Variants in KCTD2 observed in about 807,000 individuals in gnomAD.
The protein encoded by KCTD2 is BTB/POZ domain-containing protein KCTD2.
In KCTD2, 18 loss-of-function variants were observed where a neutral mutation model predicts 27.9. The observed-to-expected ratio is 0.64, with a 90% CI of 0.45 to 0.96. The LOEUF is 0.96. Among genes scored for constraint, KCTD2 ranks in the 40% least tolerant of loss-of-function variants. The pLI, the probability that KCTD2 is intolerant of heterozygous loss-of-function variation, is 0.00. For missense variants in KCTD2, 280 were observed against 348.0 expected, an observed-to-expected ratio of 0.80 and a Z score of 1.56; for synonymous variants, 175 against 148.4, an observed-to-expected ratio of 1.18 and a Z score of -1.30.
At chr17:75,057,775 G>A (rs1226551917) in intron 3 of KCTD2, among the ~76,000 whole-genome samples, 1 of 151,722 alleles carries the variant, frequency 6.6e-6, no homozygotes, top group African/African-American at 2.4e-5. Flanking sequence ...TGGCCAGGCT[G>A]GTCTTGAACT....
rs35875644 is a variant in KCTD2, at chr17:75,056,952, C to CTTTTTT, written c.541-2544_541-2539dup. On this transcript the variant is annotated intron_variant, in intron 3 of 5. Transcript: ENST00000322444. ...CTCTGTTTCTTTTTTTTTCTTTTTTCTTTTTTTTTTTTTTTTTTTGGAGAC... is the reference window on the plus strand; with the variant it reads ...CTCTGTTTCTTTTTTTTTCTTTTTTCTTTTTTTTTTTTTTTTTTTTTTTTTGGAGAC... Among the ~76,000 whole-genome samples, 304 of 107,982 alleles carry CTTTTTT rather than the reference C, an allele frequency of 2.8e-3. 5 individuals are homozygous for CTTTTTT. Among genetic ancestry groups the CTTTTTT allele is most frequent in the African/African-American group, 8.5e-3 (236 of 27,628 alleles). 70.8% of individuals were successfully genotyped at this position (107,982 alleles called of 152,430 possible).
At position 75,032,976 on chromosome 17, in the gene KCTD2, GA is replaced by G. The variant is rs1399321057; in HGVS notation, c.-470+256del. ...AGACTCTACATTTTGGAGAGAAACA[GA>G]AAAGAATGTCCCCAAGTCTCCTTTG... On this transcript the variant is annotated intron_variant, in intron 1 of 7. Coordinates refer to the KCTD2 transcript ENST00000581589. The surrounding 1 kb of genome is among the most constrained non-coding windows in gnomAD (Gnocchi z 4.8). 6.6e-6 allele frequency: 1 copy of G among 152,240 alleles called. No individual in the cohort carries two copies. Among genetic ancestry groups the G allele is most frequent in the Non-Finnish European group, 1.5e-5 (1 of 68,052 alleles). The allele number at this position is 152,240 out of a possible 1,614,324, so 9.4% of individuals were successfully genotyped here.
Position 75,047,236 on chromosome 17 carries a change from C to T in KCTD2, c.-15C>T, listed in dbSNP as rs1460055646. Reference sequence around the variant, plus strand: ...GGCTGCGCGCGGGCAGCAGCGGTGGCGGCGGCGGTCCAAGATGGCGGAACT... The same window carrying T: ...GGCTGCGCGCGGGCAGCAGCGGTGGTGGCGGCGGTCCAAGATGGCGGAACT... On this transcript the variant is annotated 5_prime_UTR_variant, in exon 1 of 6. Coordinates refer to ENST00000322444, the MANE Select transcript of KCTD2 (RefSeq NM_015353.3). 13 of 689,594 alleles carry T rather than the reference C, an allele frequency of 1.9e-5. No homozygotes were observed. In the Admixed American group the frequency reaches 2.9e-4, roughly 16 times the overall value. The allele number at this position is 689,594 out of a possible 1,614,324, so 42.7% of individuals were successfully genotyped here.
At chr17:75,040,530 T>C (rs1257269899) in intron 3 of KCTD2, 2 of 265,700 alleles carry the variant, frequency 7.5e-6, no homozygotes, top group Non-Finnish European at 1.5e-5. Context: ...CTCTTCTGCA[T>C]GGAACCCTAG....
intron 1 of KCTD2, among the ~76,000 whole-genome samples, chr17:75,048,509 T>C (rs2073251743): frequency 1.3e-5 from 2 of 152,236 alleles, no homozygotes; most frequent in Admixed American, 1.3e-4. Context: ...GATGGAAACC[T>C]ATCCTGCCCT....
intron 3 of KCTD2, chr17:75,041,931 CA>C: frequency 2.7e-6 from 1 of 371,564 alleles, no homozygotes; most frequent in Non-Finnish European, 4.8e-6. Flanking sequence ...CAGAGCAGGT[CA>C]AAACTCCTGT....
upstream of KCTD2, chr17:75,042,686 G>T (rs200078977): frequency 6.3e-7 from 1 of 1,584,068 alleles, no homozygotes; most frequent in African/African-American, 1.4e-5. Flanking sequence ...ATAAAAACAA[G>T]GCTTTTTTAT....
rs746635593 is a variant in KCTD2 at position 75,049,376 on chromosome 17, T to G, written c.448+48T>G. On this transcript the variant is annotated intron_variant, in intron 2 of 5. Coordinates refer to ENST00000322444, the MANE Select transcript of KCTD2 (RefSeq NM_015353.3). ...GGATTTTCAAAATGCAAGTAGAATC[T>G]TTAAAGTTGTTTTACAGATTTCAAT... 114 of 1,161,242 alleles carry G rather than the reference T, an allele frequency of 9.8e-5. 1 individual carries two copies. Among genetic ancestry groups the G allele is most frequent in the South Asian group, 6.8e-4 (54 of 78,844 alleles). 71.9% of individuals were successfully genotyped at this position (1,161,242 alleles called of 1,614,324 possible).
chr17:75,053,911 G>A (rs771160351), intron 3 of KCTD2, among the ~76,000 whole-genome samples: 4 of 126,036 alleles, frequency 3.2e-5, no homozygotes, highest in Non-Finnish European at 6.2e-5. Context: ...CTCTCCCCCA[G>A]GCTGGCCTCC....
At chr17:75,046,045 C>T (rs573736225), upstream of KCTD2, among the ~76,000 whole-genome samples, 2 of 152,350 alleles carry the variant, frequency 1.3e-5, no homozygotes, top group South Asian at 4.1e-4. Flanking sequence ...TCCCTGATTT[C>T]CCGCAACATC....
intron 2 of KCTD2, among the ~76,000 whole-genome samples, chr17:75,051,524 TC>T (rs1336593759): frequency 1.3e-5 from 2 of 151,510 alleles, no homozygotes; most frequent in Non-Finnish European, 2.9e-5. Flanking sequence ...GACCTCGTGA[TC>T]CACCCGCCTT....
intron 3 of KCTD2, among the ~76,000 whole-genome samples, chr17:75,053,858 C>CTTTTTTTTTTTTTTTTTTTTTT (rs71159419): frequency 5.1e-5 from 3 of 59,322 alleles, no homozygotes; most frequent in Non-Finnish European, 8.4e-5. Flanking sequence ...GTGAACCATG[C>CTTTTTTTTTTTTTTTTTTTTTT]TTTTTTTTTT....
chr17:75,040,182 G>C (rs373588497), intron 3 of KCTD2: 8 of 1,611,274 alleles, frequency 5.0e-6, no homozygotes, highest in Non-Finnish European at 6.8e-6. Flanking sequence ...ACAAGGGCAC[G>C]GGAACCTTCA....
chr17:75,052,021 C>T (rs1010655242), intron 2 of KCTD2, among the ~76,000 whole-genome samples: 2 of 152,140 alleles, frequency 1.3e-5, no homozygotes, highest in Admixed American at 1.3e-4. Context: ...CCTCCACCCC[C>T]ACCCCCAGTC....
intron 3 of KCTD2, among the ~76,000 whole-genome samples, chr17:75,057,968 G>C (rs2073366100): frequency 6.6e-6 from 1 of 152,072 alleles, no homozygotes; most frequent in South Asian, 2.1e-4. Flanking sequence ...GCCTAGGTGG[G>C]TGGATCGCCT....
chr17:75,045,751 A>C (rs2073208547), upstream of KCTD2, among the ~76,000 whole-genome samples: 1 of 152,160 alleles, frequency 6.6e-6, no homozygotes, highest in African/African-American at 2.4e-5. Context: ...CATGCTGTAC[A>C]ATTTTTGTAG....
At chr17:75,042,489 C>T, upstream of KCTD2, 1 of 1,595,298 alleles carries the variant, frequency 6.3e-7, no homozygotes, top group Non-Finnish European at 8.5e-7. Context: ...TTTCTAGATT[C>T]AGTGGCAAGT....
In KCTD2 at chr17:75,047,342, C is replaced by T. The variant is rs943935861; in HGVS notation, c.92C>T (p.Pro31Leu). The T allele has an allele frequency of 1.5e-5, 17 of 1,154,298 alleles. No individual in the cohort carries two copies. In the African/African-American group the frequency reaches 2.8e-4, roughly 19 times the overall value. 71.5% of individuals were successfully genotyped at this position (1,154,298 alleles called of 1,614,324 possible). ...VGDGGGPVRG[P>L]PSPRPAGPTP... The stretch of plus-strand genomic sequence containing the variant: ...GACGGGGGTGGCCCAGTCCGCGGGC[C>T]CCCCAGCCCACGCCCGGCTGGCCCC... The change falls in exon 1 of 6, where the codon CCC (proline) becomes CTC (leucine). Residue 31 changes from proline (P) to leucine (L), a missense_variant. By Grantham distance (98) the Pro-to-Leu change is moderately conservative. Transcript: ENST00000322444.
chr17:75,055,114 G>C (rs1380864049), intron 3 of KCTD2, among the ~76,000 whole-genome samples: 3 of 151,974 alleles, frequency 2.0e-5, no homozygotes, highest in Admixed American at 6.6e-5. Context: ...GAGTGCAGTG[G>C]CATGATCTCG....
Sources: gnomAD v4.1 joint callset for allele counts (sites outside exome capture counted in the v4.1 genomes callset) on GRCh38, gnomAD v4.1.1 for gene constraint, Gnocchi (gnomAD v3.1) non-coding constraint, MANE v1.5 for transcripts, NCBI Gene and HGNC (gene_info 2026-07-23, HGNC 2026-07-21) for gene names.